The following GGA2 variants were observed in gnomAD, a reference collection of about 807,000 sequenced individuals.
GGA2 encodes golgi associated, gamma adaptin ear containing, ARF binding protein 2, also known as ADP-ribosylation factor-binding protein GGA2.
A neutral mutation model predicts 79.5 loss-of-function variants in GGA2; 48 were observed. The observed-to-expected ratio is 0.60, with a 90% CI of 0.48 to 0.77. GGA2 has a LOEUF of 0.77. Among genes scored for constraint, GGA2 ranks in the 30% least tolerant of loss-of-function variants. GGA2 has a pLI of 0.00. For synonymous variants in GGA2, 317 were observed against 302.0 expected, an observed-to-expected ratio of 1.05 and a Z score of -0.51; for missense variants, 770 against 774.0, an observed-to-expected ratio of 0.99 and a Z score of 0.06.
At position 23,466,312 on chromosome 16, in the gene GGA2, C is replaced by A. The variant is rs1019351837; in HGVS notation, c.*1278G>T. On this transcript the variant is annotated 3_prime_UTR_variant, in exon 17 of 17. Transcript: ENST00000309859. ...CAGGTTCCTTCTCCCACCCATCAGG[C>A]CAAGCAGGACTTGTCAAACATACAC... 3 of 152,192 alleles carry A rather than the reference C, an allele frequency of 2.0e-5. No individual in the cohort carries two copies. Among genetic ancestry groups the A allele is most frequent in the African/African-American group, 7.2e-5 (3 of 41,448 alleles). 9.4% of individuals were successfully genotyped at this position (152,192 alleles called of 1,614,324 possible). A position where few individuals can be genotyped will look rare whatever the true frequency, so the allele number is the denominator to read the frequency against.
At chr16:23,516,910 T>G (rs894291958) in intron 2 of GGA2, among the ~76,000 whole-genome samples, 1 of 152,170 alleles carries the variant, frequency 6.6e-6, no homozygotes, top group African/African-American at 2.4e-5. Context: ...TGCAGAGGCC[T>G]GACTGCTGCA....
chr16:23,514,608 G>A (rs148380440), upstream of GGA2, among the ~76,000 whole-genome samples: 8 of 151,930 alleles, frequency 5.3e-5, no homozygotes, highest in Non-Finnish European at 7.4e-5. Flanking sequence ...ACACACCACC[G>A]CTCCCAGCTA....
chr16:23,510,478 T>G lies in GGA2; in HGVS notation c.-67A>C. On this transcript the variant is annotated 5_prime_UTR_variant, in exon 1 of 17. Transcript: ENST00000309859. Reference sequence around the variant, plus strand: ...TTCAGCCGCTGTAGCGTCCTGGCGCTCTCCTCTGCTGACTGCGCGGCAGGA... The same window carrying G: ...TTCAGCCGCTGTAGCGTCCTGGCGCGCTCCTCTGCTGACTGCGCGGCAGGA... 1.7e-6 allele frequency: 1 copy of G among 578,410 alleles called. No homozygotes were observed. The highest frequency in any genetic ancestry group is 4.9e-5 in the South Asian group (1 of 20,228). 35.8% of individuals were successfully genotyped at this position (578,410 alleles called of 1,614,324 possible).
intron 1 of GGA2, among the ~76,000 whole-genome samples, chr16:23,497,411 G>C (rs1387762919): frequency 6.6e-6 from 1 of 152,028 alleles, no homozygotes; most frequent in Admixed American, 6.6e-5. Context: ...ACTCAACACA[G>C]CACAGTCCGA....
chr16:23,524,343 G>A (rs150304027), upstream of GGA2: 16 of 1,591,484 alleles, frequency 1.0e-5, no homozygotes, highest in East Asian at 1.3e-4. Flanking sequence ...TTCTTAGGGC[G>A]ATCTCCACTG....
rs368020787 is a variant in GGA2, at chr16:23,493,387, G to A, written c.324C>T (p.Asn108=). 30 of 1,608,928 alleles carry A rather than the reference G, an allele frequency of 1.9e-5. No homozygotes were observed. The East Asian group carries it at 2.9e-4, about 16-fold the overall frequency. The change falls in exon 4 of 17, where the codon AAC becomes AAT. Residue 108 remains asparagine, a synonymous_variant. Coordinates refer to ENST00000309859, the MANE Select transcript of GGA2 (RefSeq NM_015044.4). ...HSEVAKFRFL[N]ELIKVLSPKY... ...TTGGGGACAACACTTTGATCAGTTC[G>A]TTCAGGAAACGAAATTTGGCCACCT...
chr16:23,521,558 C>G (rs1003941297), intron 1 of GGA2, among the ~76,000 whole-genome samples: 1 of 152,042 alleles, frequency 6.6e-6, no homozygotes, highest in African/African-American at 2.4e-5. Context: ...GTCACCTCAC[C>G]TGGCTAATTT....
intron 14 of GGA2, 148 bp from the exon 15 acceptor site, chr16:23,470,313 A>G: frequency 1.8e-6 from 1 of 561,808 alleles, no homozygotes. Flanking sequence ...CACTACCATA[A>G]TCCAAGTCCT....
intron 1 of GGA2, among the ~76,000 whole-genome samples, chr16:23,520,419 T>G (rs183510366): frequency 6.6e-6 from 1 of 152,284 alleles, no homozygotes; most frequent in Non-Finnish European, 1.5e-5. Flanking sequence ...ACAGCCTCTG[T>G]GCCCTTCACT....
At chr16:23,486,669 T>A in intron 7 of GGA2, 41 bp downstream of exon 7, 1 of 1,136,646 alleles carries the variant, frequency 8.8e-7, no homozygotes, top group Non-Finnish European at 1.3e-6. Flanking sequence ...TCAGCCTCTG[T>A]CAAATGCTAC....
In GGA2 at chr16:23,507,748, C is replaced by T. The variant is rs965362760; in HGVS notation, c.91+2573G>A. On this transcript the variant is annotated intron_variant, in intron 1 of 16. Transcript: ENST00000309859. ...CAAGGAGGCAGAGGTTGCAGAGAGCCGAGATGGCACCACTGCACTCCAGCC... is the reference window on the plus strand; with the variant it reads ...CAAGGAGGCAGAGGTTGCAGAGAGCTGAGATGGCACCACTGCACTCCAGCC... Among the ~76,000 whole-genome samples the T allele has an allele frequency of 1.9e-4, 29 of 151,910 alleles. 1 individual carries two copies. Among genetic ancestry groups the T allele is most frequent in the Non-Finnish European group, 7.4e-5 (5 of 67,992 alleles).
chr16:23,477,209 C>T (rs1297530981), intron 13 of GGA2, among the ~76,000 whole-genome samples: 1 of 152,178 alleles, frequency 6.6e-6, no homozygotes, highest in Non-Finnish European at 1.5e-5. Flanking sequence ...GCCTTGGCCT[C>T]CCAAAGTTCT....
chr16:23,469,901 A>C, intron 15 of GGA2, 95 bp downstream of exon 15: 1 of 914,930 alleles, frequency 1.1e-6, no homozygotes, highest in African/African-American at 1.7e-5. Context: ...TTGAGTGAAG[A>C]TTCTTTCCTT....
chr16:23,518,040 G>A (rs1392049873), intron 2 of GGA2, among the ~76,000 whole-genome samples: 1 of 152,072 alleles, frequency 6.6e-6, no homozygotes, highest in African/African-American at 2.4e-5. Context: ...AGCCTCCTAA[G>A]TAGCTGGGAT....
intron 1 of GGA2, among the ~76,000 whole-genome samples, chr16:23,505,006 G>C (rs1964958616): frequency 6.6e-6 from 1 of 152,170 alleles, no homozygotes; most frequent in Non-Finnish European, 1.5e-5. Context: ...TCATGACCCT[G>C]GCACCAGCAG....
At chr16:23,521,874 G>C in exon 1 of GGA2, 1 of 455,972 alleles carries the variant, frequency 2.2e-6, no homozygotes, top group Non-Finnish European at 4.4e-6. Flanking sequence ...GTAGATCAGA[G>C]TTAAGCTTGG....
In GGA2 at chr16:23,482,973, G is replaced by A; in HGVS notation, c.830C>T (p.Pro277Leu). Residue 277 changes from proline (P) to leucine (L), a missense_variant, in exon 9 of 17, where the codon CCC becomes CTC. By Grantham distance (98) the Pro-to-Leu change is moderately conservative. Transcript: ENST00000309859. The stretch of plus-strand genomic sequence containing the variant: ...GTCACTCGCCAACCGGAACAGCGTG[G>A]GCCGCAGCTTTTCACACCTCTCATA... ...VVYERCEKLR[P>L]TLFRLASDTT... is the part of the protein sequence containing the mutation. 6.2e-7 allele frequency: 1 copy of A among 1,612,728 alleles called. No homozygotes were observed. Among genetic ancestry groups the A allele is most frequent in the East Asian group, 2.2e-5 (1 of 44,876 alleles).
chr16:23,507,331 C>A (rs1242188029), intron 1 of GGA2, among the ~76,000 whole-genome samples: 1 of 152,142 alleles, frequency 6.6e-6, no homozygotes, highest in Non-Finnish European at 1.5e-5. Flanking sequence ...ATGAAAAAAA[C>A]CATAATAATA....
intron 14 of GGA2, 43 bp from the exon 15 acceptor site, chr16:23,470,208 A>AC (rs35598942): frequency 3.5e-6 from 5 of 1,440,110 alleles, no homozygotes; most frequent in Non-Finnish European, 4.7e-6. Context: ...ACCACTACAA[A>AC]CCCCCCGGAC....
Sources: allele counts gnomAD v4.1 joint callset (sites outside exome capture counted in the v4.1 genomes callset), GRCh38; gene constraint gnomAD v4.1.1; transcripts MANE v1.5; gene names NCBI Gene and HGNC (gene_info 2026-07-23, HGNC 2026-07-21).